Variants in BATF2 observed in about 807,000 individuals in gnomAD.
BATF2 encodes basic leucine zipper transcriptional factor ATF-like 2.
BATF2 carries 4 observed loss-of-function variants against 7.3 expected under a neutral mutation model. The ratio of observed to expected loss-of-function variants is 0.55; its 90% CI spans 0.27 to 1.26. The LOEUF (loss-of-function observed/expected upper bound fraction) is 1.26, where lower values mean the gene tolerates loss of function less well. Among genes scored for constraint, BATF2 ranks in the 50% most tolerant of loss-of-function variants. The probability of loss-of-function intolerance (pLI) is 0.11; values close to 1 mark genes in which losing one functional copy is unlikely to be tolerated. For missense variants in BATF2, 295 were observed against 340.5 expected, an observed-to-expected ratio of 0.87 and a Z score of 1.05; for synonymous variants, 152 against 153.9, an observed-to-expected ratio of 0.99 and a Z score of 0.09.
chr11:64,989,161 G>A lies in BATF2; in HGVS notation c.793C>T (p.Pro265Ser). 6.2e-7 allele frequency: 1 copy of A among 1,614,208 alleles called. No homozygotes were observed. The highest frequency in any genetic ancestry group is 1.3e-5 in the African/African-American group (1 of 75,070). The change falls in exon 3 of 3, where the codon CCT becomes TCT. Residue 265 changes from proline (P) to serine (S), a missense_variant. Physicochemically the swap from Pro to Ser is moderately conservative, Grantham distance 74. Coordinates refer to ENST00000301887, the MANE Select transcript of BATF2 (RefSeq NM_138456.4). The surrounding 1 kb of genome is among the most constrained non-coding windows in gnomAD (Gnocchi z 4.3). ...TGGACTTGAGCAGAGGAGAGCAGAGGAAAGGCCAGGAGAGGGTGAGGGCTG... is the reference window on the plus strand; with the variant it reads ...TGGACTTGAGCAGAGGAGAGCAGAGAAAAGGCCAGGAGAGGGTGAGGGCTG... ...DPSPHPLLAFPLLSSAQVHF is the reference protein window; with the variant it reads ...DPSPHPLLAFSLLSSAQVHF
chr11:64,995,679 C>A (rs977827670), intron 1 of BATF2, among the ~76,000 whole-genome samples: 1 of 152,196 alleles, frequency 6.6e-6, no homozygotes, highest in East Asian at 1.9e-4. Flanking sequence ...GAGCTCACAG[C>A]CCAGCCCCCG....
At chr11:64,994,120 G>A (rs1276301153) in intron 2 of BATF2, among the ~76,000 whole-genome samples, 2 of 152,080 alleles carry the variant, frequency 1.3e-5, no homozygotes, top group Non-Finnish European at 1.5e-5. Context: ...TTTAACCAGT[G>A]TCTCAGCTGG....
At chr11:64,994,426 A>G in intron 2 of BATF2, 22 bp downstream of exon 2, 9 of 1,557,294 alleles carry the variant, frequency 5.8e-6, no homozygotes, top group East Asian at 2.4e-5. Flanking sequence ...AGACAAGGAA[A>G]GGGGTTAGGG....
chr11:64,994,202 A>G (rs1047615684), intron 2 of BATF2, among the ~76,000 whole-genome samples: 2 of 152,136 alleles, frequency 1.3e-5, no homozygotes, highest in African/African-American at 2.4e-5. Context: ...ACACCTTAGG[A>G]CACGGCTGGG....
rs1946044580 is a variant in BATF2, at chr11:64,988,797, G to A, written c.*332C>T. 4 of 348,726 alleles carry A rather than the reference G, an allele frequency of 1.1e-5. No individual in the cohort carries two copies. In the South Asian group the frequency reaches 1.2e-4, roughly 10 times the overall value. The allele number at this position is 348,726 out of a possible 1,614,324, so 21.6% of individuals were successfully genotyped here. A position where few individuals can be genotyped will look rare whatever the true frequency, so the allele number is the denominator to read the frequency against. Reference sequence around the variant, plus strand: ...GGATGCCTGGGCCAGGACAGGAGAAGGAGGAGCAGAGGGTGGTGTTTCGGG... The same window carrying A: ...GGATGCCTGGGCCAGGACAGGAGAAAGAGGAGCAGAGGGTGGTGTTTCGGG... On this transcript the variant is annotated 3_prime_UTR_variant, in exon 3 of 3. Transcript: ENST00000301887.
intron 1 of BATF2, among the ~76,000 whole-genome samples, chr11:64,995,151 T>C (rs111870129): frequency 0.026 from 3,972 of 152,234 alleles, 168 homozygotes; most frequent in African/African-American, 0.09. Flanking sequence ...TGAGCCACCG[T>C]GCCCAGCCGA....
chr11:64,990,318 C>A, intron 2 of BATF2: 2 of 1,473,274 alleles, frequency 1.4e-6, no homozygotes, highest in Non-Finnish European at 1.8e-6. Flanking sequence ...TGCTTCCCGG[C>A]CACATTTCCT....
At position 64,994,504 on chromosome 11, in the gene BATF2, C is replaced by A; in HGVS notation, c.85G>T (p.Ala29Ser). The change falls in exon 2 of 3, where the codon GCA becomes TCA. Residue 29 changes from alanine to serine, a missense_variant. Ala to Ser is a moderately conservative substitution (Grantham distance 99, BLOSUM62 1). Transcript: ENST00000301887. ...TTCTGCCGGCTTCGCTGGGCGGCTG[C>A]CCGGTTCTTCTGCTTCTTCAGCTGC... ...QRQLKKQKNR[A>S]AAQRSRQKHT... 1 of 1,604,386 alleles carries A rather than the reference C, an allele frequency of 6.2e-7. No individual in the cohort carries two copies. The highest frequency in any genetic ancestry group is 2.2e-5 in the East Asian group (1 of 44,552).
intron 2 of BATF2, chr11:64,990,214 C>G (rs1231989244): frequency 1.3e-6 from 2 of 1,535,522 alleles, no homozygotes; most frequent in Non-Finnish European, 1.7e-6. Flanking sequence ...TGGTAGAATT[C>G]CAGGCCTGTG....
chr11:64,991,578 T>A (rs1946078136), intron 2 of BATF2, among the ~76,000 whole-genome samples: 1 of 152,216 alleles, frequency 6.6e-6, no homozygotes, highest in African/African-American at 2.4e-5. Context: ...TTTGCCACCT[T>A]CAGGAGGCTC....
At chr11:64,996,793 G>C in intron 1 of BATF2, 83 bp downstream of exon 1, 1 of 1,552,460 alleles carries the variant, frequency 6.4e-7, no homozygotes, top group Non-Finnish European at 8.9e-7. Context: ...AGGAGCTCCC[G>C]ACTGCAGCCC....
chr11:64,990,502 A>G, intron 2 of BATF2: 3 of 1,186,826 alleles, frequency 2.5e-6, no homozygotes, highest in Non-Finnish European at 2.1e-6. Context: ...ATTGTTTTAC[A>G]GGTTGACAGC....
chr11:64,990,372 A>G, intron 2 of BATF2: 8 of 1,434,384 alleles, frequency 5.6e-6, no homozygotes, highest in Non-Finnish European at 7.3e-6. Flanking sequence ...TCTCTGTGCA[A>G]ATCCCAACAG....
In BATF2 at chr11:64,996,923, C is replaced by CG. The variant is rs780119493; in HGVS notation, c.-10dup. The CG allele has an allele frequency of 1.0e-4, 159 of 1,592,124 alleles. No individual in the cohort carries two copies. The highest frequency in any genetic ancestry group is 1.2e-4 in the Non-Finnish European group (138 of 1,168,092). On this transcript the variant is annotated 5_prime_UTR_variant, in exon 1 of 3. Transcript: ENST00000301887. Reference sequence around the variant, plus strand: ...CCCCCACAGAGGTGCATGGCTTAGGCGGGGGAGCAGAGTGGTCCCTCAGCA... The same window carrying CG: ...CCCCCACAGAGGTGCATGGCTTAGGCGGGGGGAGCAGAGTGGTCCCTCAGCA...
Position 64,989,231 on chromosome 11 carries a change from T to C in BATF2, c.723A>G (p.Lys241=), listed in dbSNP as rs371465439. The change falls in exon 3 of 3, where the codon AAA becomes AAG. Residue 241 remains lysine (K), a synonymous_variant. Transcript: ENST00000301887. The surrounding 1 kb of genome is among the most constrained non-coding windows in gnomAD (Gnocchi z 4.3). ...GCCAAGTGGCTGCTGAGAGAGCAGG[T>C]TTGTGCTCCCTGCTCTGCAGACGTG... The part of the protein sequence containing the change: ...GLARLQSREH[K]PALSAATWQG... 1 of 1,613,502 alleles carries C rather than the reference T, an allele frequency of 6.2e-7. No individual in the cohort carries two copies. The highest frequency in any genetic ancestry group is 1.3e-5 in the African/African-American group (1 of 74,806).
chr11:64,996,208 G>A (rs1160303954), intron 1 of BATF2, among the ~76,000 whole-genome samples: 5 of 151,288 alleles, frequency 3.3e-5, no homozygotes, highest in South Asian at 2.1e-4. Flanking sequence ...TGATCTGCCC[G>A]CCTCAGCCTC....
At position 64,989,553 on chromosome 11, in the gene BATF2, T is replaced by C; in HGVS notation, c.401A>G (p.Gln134Arg). The change falls in exon 3 of 3, where the codon CAG becomes CGG. Residue 134 changes from glutamine (Q) to arginine (R), a missense_variant. Gln to Arg is a conservative substitution (Grantham distance 43, BLOSUM62 1). Coordinates refer to ENST00000301887, the MANE Select transcript of BATF2 (RefSeq NM_138456.4). This position sits in a 1 kb window ranked among gnomAD's most constrained non-coding sequence, Gnocchi z 4.3. ...AGGCTGTGGACCTGGAGAGAGCGGC[T>C]GAGCTGGGTAACAGGAACCCGGGGT... The part of the protein sequence containing the change: ...FQTPGSCYPA[Q>R]PLSPGPQPHD... 6.3e-7 allele frequency: 1 copy of C among 1,588,574 alleles called. No homozygotes were observed. Among genetic ancestry groups the C allele is most frequent in the Non-Finnish European group, 8.6e-7 (1 of 1,167,814 alleles).
At chr11:64,992,250 G>A (rs1294373280) in intron 2 of BATF2, among the ~76,000 whole-genome samples, 1 of 152,006 alleles carries the variant, frequency 6.6e-6, no homozygotes, top group Non-Finnish European at 1.5e-5. Context: ...ATTTTTAGTA[G>A]AGATGGGGTT....
rs757432006 is a variant in BATF2 at position 64,989,874 on chromosome 11, C to CCTTAG, written c.142-67_142-63dup. 1 of 1,568,006 alleles carries CCTTAG rather than the reference C, an allele frequency of 6.4e-7. No individual in the cohort carries two copies. The highest frequency in any genetic ancestry group is 8.7e-7 in the Non-Finnish European group (1 of 1,148,014). On this transcript the variant is annotated intron_variant, in intron 2 of 2. Transcript: ENST00000301887. The surrounding 1 kb of genome is among the most constrained non-coding windows in gnomAD (Gnocchi z 4.3). ...GCCAGTGTCAGGGGCCCCGCATGAG[C>CCTTAG]CTTAGCCCCTTCCAGGGTCCTCAAC...
Sources: allele counts gnomAD v4.1 joint callset (sites outside exome capture counted in the v4.1 genomes callset), GRCh38; gene constraint gnomAD v4.1.1; non-coding constraint Gnocchi (gnomAD v3.1); transcripts MANE v1.5; gene names NCBI Gene and HGNC (gene_info 2026-07-23, HGNC 2026-07-21).